CDH13: variants seen among roughly 807,000 people sequenced by gnomAD.
CDH13 encodes the protein cadherin-13.
Under a neutral mutation model 63.8 loss-of-function variants are expected in CDH13, and 24 were observed. The ratio of observed to expected loss-of-function variants is 0.38; its 90% CI spans 0.27 to 0.53. The LOEUF is 0.53. Among genes scored for constraint, CDH13 ranks in the 20% least tolerant of loss-of-function variants. The pLI, the probability that CDH13 is intolerant of heterozygous loss-of-function variation, is 0.85. For synonymous variants in CDH13, 503 were observed against 355.3 expected (o/e 1.42, Z -4.67); for missense variants, 1,049 against 903.1 (o/e 1.16, Z -2.07).
At chr16:83,151,929 T>C (rs1043704658) in intron 4 of CDH13, among the ~76,000 whole-genome samples, 2 of 148,764 alleles carry the variant, frequency 1.3e-5, no homozygotes, top group Non-Finnish European at 3.0e-5. Flanking sequence ...GCCATTGCGC[T>C]CCAGCCTGGG....
chr16:83,498,319 T>C (rs553774876), intron 7 of CDH13, among the ~76,000 whole-genome samples: 1 of 152,314 alleles, frequency 6.6e-6, no homozygotes, highest in East Asian at 1.9e-4. Context: ...GCTCATACCC[T>C]GTCTCTAGAG....
chr16:82,995,083 T>G (rs1215955806), intron 2 of CDH13, among the ~76,000 whole-genome samples: 1 of 152,232 alleles, frequency 6.6e-6, no homozygotes, highest in Non-Finnish European at 1.5e-5. Flanking sequence ...TAACTGCTGC[T>G]ATCTTTATTC....
intron 5 of CDH13, among the ~76,000 whole-genome samples, chr16:83,231,550 T>C (rs1469001307): frequency 6.6e-6 from 1 of 152,146 alleles, no homozygotes; most frequent in African/African-American, 2.4e-5. Flanking sequence ...CACAGAGGGA[T>C]TGTTACTTTA....
chr16:83,036,658 G>A (rs570769297), intron 3 of CDH13, among the ~76,000 whole-genome samples: 71 of 152,240 alleles, frequency 4.7e-4, no homozygotes, highest in Non-Finnish European at 9.1e-4. Flanking sequence ...GTGGCTGCCT[G>A]TAAATTCTGA....
chr16:82,774,071 C>A (rs1013605483), intron 1 of CDH13, among the ~76,000 whole-genome samples: 1 of 152,076 alleles, frequency 6.6e-6, no homozygotes, highest in Admixed American at 6.5e-5. Flanking sequence ...GAGTAAGACA[C>A]CGTGCCCGGC....
rs115929927 is a variant in CDH13, at chr16:83,575,100, G to T, written c.961-27354G>T. Among the ~76,000 whole-genome samples the T allele has an allele frequency of 1.3e-3, 196 of 152,288 alleles. 2 individuals carry two copies. The highest frequency in any genetic ancestry group is 4.5e-3 in the African/African-American group (188 of 41,570). On this transcript the variant is annotated intron_variant, in intron 7 of 13. Coordinates refer to ENST00000567109, the MANE Select transcript of CDH13 (RefSeq NM_001257.5). Reference sequence around the variant, plus strand: ...AAGCACTGTGAGATGACGTATTTTTGTTGCTGAAGCCACCTGGCTTGTGGA... The same window carrying T: ...AAGCACTGTGAGATGACGTATTTTTTTTGCTGAAGCCACCTGGCTTGTGGA...
intron 8 of CDH13, among the ~76,000 whole-genome samples, chr16:83,653,518 A>G (rs1439140231): frequency 6.6e-6 from 1 of 152,144 alleles, no homozygotes. Context: ...AAAAACTCAC[A>G]AAAGCTGAGA....
At chr16:83,597,719 A>G (rs990739285) in intron 7 of CDH13, among the ~76,000 whole-genome samples, 2 of 152,248 alleles carry the variant, frequency 1.3e-5, no homozygotes, top group Non-Finnish European at 2.9e-5. Context: ...TAACAGTCTA[A>G]TTGATTCTCT....
At chr16:83,652,061 A>G (rs758416634) in intron 8 of CDH13, among the ~76,000 whole-genome samples, 13 of 152,164 alleles carry the variant, frequency 8.5e-5, no homozygotes, top group Non-Finnish European at 1.9e-4. Context: ...ATTCTCATCC[A>G]TTTATTCTCC....
chr16:82,685,761 C>T (rs1426492593), intron 1 of CDH13, among the ~76,000 whole-genome samples: 2 of 152,148 alleles, frequency 1.3e-5, no homozygotes, highest in Admixed American at 6.5e-5. Context: ...TCCTATGTGC[C>T]CTCAGCCCTG....
chr16:82,879,159 A>G (rs1444538816), intron 2 of CDH13, among the ~76,000 whole-genome samples: 2 of 152,100 alleles, frequency 1.3e-5, no homozygotes, highest in African/African-American at 4.8e-5. Flanking sequence ...TGGTCCTCAT[A>G]GTATTGGTGG....
intron 8 of CDH13, among the ~76,000 whole-genome samples, chr16:83,663,984 A>G (rs1598433642): frequency 6.8e-6 from 1 of 146,160 alleles, no homozygotes; most frequent in African/African-American, 2.6e-5. Flanking sequence ...ACTTAGTAGG[A>G]CTCCCATCTC....
chr16:83,162,515 T>G (rs1567463522), intron 4 of CDH13, among the ~76,000 whole-genome samples: 1 of 152,158 alleles, frequency 6.6e-6, no homozygotes, highest in Non-Finnish European at 1.5e-5. Context: ...GTGCTAAGCC[T>G]TAGTTTCCCT....
intron 2 of CDH13, among the ~76,000 whole-genome samples, chr16:82,963,054 T>G (rs184259104): frequency 6.6e-6 from 1 of 152,306 alleles, no homozygotes; most frequent in Non-Finnish European, 1.5e-5. Context: ...CTGATCTTTA[T>G]CCGTTTAACC....
At chr16:82,928,716 T>C (rs1763032410) in intron 2 of CDH13, among the ~76,000 whole-genome samples, 1 of 152,234 alleles carries the variant, frequency 6.6e-6, no homozygotes, top group South Asian at 2.1e-4. Context: ...ATAAACATCC[T>C]TATTGTTCTT....
At chr16:82,796,126 G>C (rs2036571684) in intron 1 of CDH13, among the ~76,000 whole-genome samples, 2 of 152,094 alleles carry the variant, frequency 1.3e-5, no homozygotes, top group African/African-American at 4.8e-5. Context: ...TAAGGTCTCT[G>C]TGTTAAAGGA....
chr16:83,260,214 G>C (rs8055450), intron 5 of CDH13, among the ~76,000 whole-genome samples: 27,040 of 149,934 alleles, frequency 0.18, 2,559 homozygotes, highest in East Asian at 0.25. Flanking sequence ...TTCTACTGTC[G>C]CTTGTTACTT....
chr16:82,969,243 C>G (rs1461043367), intron 2 of CDH13, among the ~76,000 whole-genome samples: 8 of 152,168 alleles, frequency 5.3e-5, no homozygotes, highest in Admixed American at 5.2e-4. Context: ...TATAGTTTCT[C>G]TTATAACTAG....
intron 7 of CDH13, among the ~76,000 whole-genome samples, chr16:83,545,408 A>T (rs901291436): frequency 6.6e-6 from 1 of 152,208 alleles, no homozygotes; most frequent in Non-Finnish European, 1.5e-5. Flanking sequence ...GCTTCATTCT[A>T]TTGGGACACC....
Sources: allele counts gnomAD v4.1 joint callset (sites outside exome capture counted in the v4.1 genomes callset), GRCh38; gene constraint gnomAD v4.1.1; transcripts MANE v1.5; gene names NCBI Gene and HGNC (gene_info 2026-07-23, HGNC 2026-07-21).